The following ZNF81 variants were observed in gnomAD, a reference collection of about 807,000 sequenced individuals.
The protein encoded by ZNF81 is zinc finger protein 81 (HFZ20).
ZNF81 carries 5 observed loss-of-function variants against 32.3 expected under a neutral mutation model. That is an observed-to-expected ratio of 0.15 (90% confidence interval 0.08 to 0.33). The LOEUF (loss-of-function observed/expected upper bound fraction) is 0.33, where lower values mean the gene tolerates loss of function less well. ZNF81 is among the 10% of genes least tolerant of loss of function. The pLI is 1.00. For synonymous variants in ZNF81, 163 were observed against 166.8 expected (o/e 0.98, Z 0.17); for missense variants, 379 against 479.8 (o/e 0.79, Z 1.96).
rs58910363 is a variant in ZNF81, at chrX:47,858,670, CTT to C, written c.54+12351_54+12352del. Among the ~76,000 whole-genome samples, 327 of 111,844 alleles carry C rather than the reference CTT, an allele frequency of 2.9e-3. 5 individuals carry two copies. The East Asian group carries it at 0.071, about 24-fold the overall frequency. Reference sequence around the variant, plus strand: ...TTATCCTTTTACCATCATTCTGAATCTTTGTTCATTTTTCTATATAATATGTG... The same window carrying C: ...TTATCCTTTTACCATCATTCTGAATCTGTTCATTTTTCTATATAATATGTG... On this transcript the variant is annotated intron_variant, in intron 2 of 4. Transcript: ENST00000338637.
intron 2 of ZNF81, among the ~76,000 whole-genome samples, chrX:47,854,831 C>CA (rs2058509761): frequency 8.9e-6 from 1 of 111,998 alleles, no homozygotes; most frequent in Admixed American, 9.5e-5. Context: ...CGCGGCGGCT[C>CA]ACGCCTGTAA....
rs1480368597 is a variant in ZNF81 at position 47,840,475 on chromosome X, TTTTCTTTTCTTTC to T, written c.-164+3501_-164+3513del. On this transcript the variant is annotated intron_variant, in intron 1 of 4. Transcript: ENST00000338637. Reference sequence around the variant, plus strand: ...CTTGCCATGAACATAAGCTACTGTCTTTTCTTTTCTTTCTTTCTTTTCTTTTTCTTTTTTTTTT... The same window carrying T: ...CTTGCCATGAACATAAGCTACTGTCTTTTCTTTTCTTTTTCTTTTTTTTTT... Among the ~76,000 whole-genome samples, 8 of 106,131 alleles carry T rather than the reference TTTTCTTTTCTTTC, an allele frequency of 7.5e-5. No individual in the cohort carries two copies. The East Asian group carries it at 2.2e-3, about 30-fold the overall frequency. 92.2% of individuals were successfully genotyped at this position (106,131 alleles called of 115,157 possible).
chrX:47,847,326 T>C (rs1299384486), intron 2 of ZNF81, among the ~76,000 whole-genome samples: 2 of 111,479 alleles, frequency 1.8e-5, no homozygotes, highest in African/African-American at 6.5e-5. Context: ...GTGATCCTCC[T>C]ACCTCAGCCT....
chrX:47,924,373 C>G lies in ZNF81; in HGVS notation c.*7741C>G, dbSNP rs1276977054. On this transcript the variant is annotated 3_prime_UTR_variant, in exon 5 of 5. Coordinates refer to ENST00000338637, the MANE Select transcript of ZNF81 (RefSeq NM_007137.5). ...TCTGCCATATGATTCTTTTTTTATT[C>G]TTGAAGTTAAGGATCTATGGAAGCA... Among the ~76,000 whole-genome samples the G allele has an allele frequency of 9.0e-6, 1 of 111,331 alleles. No homozygotes were observed. Among genetic ancestry groups the G allele is most frequent in the Non-Finnish European group, 1.9e-5 (1 of 52,992 alleles).
At chrX:47,875,736 C>T (rs2058597382) in intron 2 of ZNF81, among the ~76,000 whole-genome samples, 1 of 112,146 alleles carries the variant, frequency 8.9e-6, no homozygotes, top group Non-Finnish European at 1.9e-5. Context: ...ATCCTGACTA[C>T]AAATGTAGGG....
At chrX:47,854,892 G>A (rs782407510) in intron 2 of ZNF81, among the ~76,000 whole-genome samples, 128 of 111,193 alleles carry the variant, frequency 1.2e-3, no homozygotes, top group Admixed American at 2.0e-3. Flanking sequence ...TCAGGAGTTC[G>A]AGACCAGCCT....
rs944828411 is a variant in ZNF81 at position 47,917,434 on chromosome X, C to T, written c.*802C>T. The T allele has an allele frequency of 2.3e-4, 68 of 290,005 alleles. No individual in the cohort carries two copies. Among genetic ancestry groups the T allele is most frequent in the African/African-American group, 1.8e-3 (65 of 36,260 alleles). 23.9% of individuals were successfully genotyped at this position (290,005 alleles called of 1,213,427 possible). ...GTCTACTACTTGACTTTGAACTTGG[C>T]CACGTGACTTTCTTTGGCCAATGGA... On this transcript the variant is annotated 3_prime_UTR_variant, in exon 5 of 5. Coordinates refer to ENST00000338637, the MANE Select transcript of ZNF81 (RefSeq NM_007137.5).
At chrX:47,914,314 C>T (rs5953121) in intron 4 of ZNF81, among the ~76,000 whole-genome samples, 8 of 110,202 alleles carry the variant, frequency 7.3e-5, no homozygotes, top group Admixed American at 3.8e-4. Context: ...CTCATAGGAC[C>T]TCTGAAAGGA....
intron 3 of ZNF81, among the ~76,000 whole-genome samples, chrX:47,892,437 C>T (rs983977808): frequency 1.8e-5 from 2 of 111,912 alleles, no homozygotes; most frequent in Non-Finnish European, 3.8e-5. Flanking sequence ...CTGGACCCTC[C>T]CAGAGTAGAT....
chrX:47,893,913 G>C (rs1472893983), intron 3 of ZNF81, among the ~76,000 whole-genome samples: 1 of 111,737 alleles, frequency 8.9e-6, no homozygotes, highest in African/African-American at 3.3e-5. Context: ...GAAGACAAAG[G>C]CTTCGAAGGT....
intron 2 of ZNF81, among the ~76,000 whole-genome samples, chrX:47,885,725 TA>T (rs1301426762): frequency 1.8e-5 from 2 of 111,556 alleles, no homozygotes; most frequent in African/African-American, 6.5e-5. Flanking sequence ...CCAGCCCTTT[TA>T]AAAGAACACT....
chrX:47,873,073 C>G (rs782381927), intron 2 of ZNF81, among the ~76,000 whole-genome samples: 2 of 111,832 alleles, frequency 1.8e-5, no homozygotes, highest in Middle Eastern at 9.3e-3. Context: ...AGCACTCCAT[C>G]TGGAGTAGAG....
In ZNF81 at chrX:47,916,712, C is replaced by A; in HGVS notation, c.*80C>A. Reference sequence around the variant, plus strand: ...CTAACTATATATTATAAAATTCATCCAAGACAGATCCTATATGAATACATT... The same window carrying A: ...CTAACTATATATTATAAAATTCATCAAAGACAGATCCTATATGAATACATT... On this transcript the variant is annotated 3_prime_UTR_variant, in exon 5 of 5. Transcript: ENST00000338637. 1 of 999,167 alleles carries A rather than the reference C, an allele frequency of 1.0e-6. No individual in the cohort carries two copies. Among genetic ancestry groups the A allele is most frequent in the South Asian group, 2.6e-5 (1 of 39,050 alleles). The allele number at this position is 999,167 out of a possible 1,213,427, so 82.3% of individuals were successfully genotyped here. A position where few individuals can be genotyped will look rare whatever the true frequency, so the allele number is the denominator to read the frequency against.
At chrX:47,864,402 G>A (rs1225058818) in intron 2 of ZNF81, among the ~76,000 whole-genome samples, 1 of 111,935 alleles carries the variant, frequency 8.9e-6, no homozygotes, top group East Asian at 2.8e-4. Flanking sequence ...GATTGAAACA[G>A]CACCACTTTT....
intron 2 of ZNF81, among the ~76,000 whole-genome samples, chrX:47,878,827 T>C (rs781969114): frequency 8.9e-6 from 1 of 112,592 alleles, no homozygotes; most frequent in Admixed American, 9.4e-5. Context: ...CCTATAGTTC[T>C]GTAGTTCAGA....
chrX:47,866,001 C>T (rs782128131), intron 2 of ZNF81, among the ~76,000 whole-genome samples: 1 of 112,196 alleles, frequency 8.9e-6, no homozygotes, highest in South Asian at 3.7e-4. Context: ...TAGAGGTGGT[C>T]ACACTAAAGC....
At position 47,915,385 on chromosome X, in the gene ZNF81, GA is replaced by G. The variant is rs2058752929; in HGVS notation, c.741del (p.Glu247AspfsTer19). On this transcript the variant is annotated frameshift_variant, in exon 5 of 5. Coordinates refer to ENST00000338637, the MANE Select transcript of ZNF81 (RefSeq NM_007137.5). LOFTEE classifies it high-confidence loss of function. ...ENTHTGVKFC[E>X]RNQCGKVLSL... is the part of the protein sequence containing the mutation. ...TACACATACAGGAGTGAAGTTCTGT[GA>G]ACGTAATCAATGTGGAAAAGTCCTC... The G allele has an allele frequency of 8.3e-7, 1 of 1,209,863 alleles. No homozygotes were observed.
intron 2 of ZNF81, 141 bp downstream of exon 2, chrX:47,846,462 T>G: frequency 1.5e-6 from 1 of 666,483 alleles, no homozygotes; most frequent in Non-Finnish European, 2.3e-6. Flanking sequence ...ATTGGTCATT[T>G]ATTTCCCTTT....
chrX:47,867,855 C>T (rs11797183), intron 2 of ZNF81, among the ~76,000 whole-genome samples: 12,747 of 111,349 alleles, frequency 0.11, 755 homozygotes, highest in Non-Finnish European at 0.18. Context: ...ACCTGATATT[C>T]TAATTTTTAA....
Sources: gnomAD v4.1 joint callset for allele counts (sites outside exome capture counted in the v4.1 genomes callset) on GRCh38, gnomAD v4.1.1 for gene constraint, MANE v1.5 for transcripts, NCBI Gene and HGNC (gene_info 2026-07-23, HGNC 2026-07-21) for gene names.